Variants in MYO19 observed in about 807,000 individuals in gnomAD.
MYO19 encodes the protein myosin XIX, also known as unconventional myosin-XIX.
A neutral mutation model predicts 129.2 loss-of-function variants in MYO19; 132 were observed. The ratio of observed to expected loss-of-function variants is 1.02; its 90% CI spans 0.89 to 1.18. The LOEUF is 1.18. MYO19 is among the 50% of genes most tolerant of loss of function. The pLI, the probability that MYO19 is intolerant of heterozygous loss-of-function variation, is 0.00. For missense variants in MYO19, 1,210 were observed against 1,216.7 expected, an observed-to-expected ratio of 0.99 and a Z score of 0.08; for synonymous variants, 531 against 477.2, an observed-to-expected ratio of 1.11 and a Z score of -1.47.
chr17:36,534,606 G>A (rs1423311967), intron 1 of MYO19, 155 bp downstream of exon 1: 1 of 152,456 alleles, frequency 6.6e-6, no homozygotes, highest in Non-Finnish European at 1.5e-5. Flanking sequence ...TGAGACACAA[G>A]AGGGTCAAAA....
chr17:36,501,433 C>T (rs909205444), intron 21 of MYO19, 198 bp from the exon 22 acceptor site: 8 of 560,698 alleles, frequency 1.4e-5, no homozygotes, highest in South Asian at 3.0e-5. Flanking sequence ...CTAGCTGTTC[C>T]GTGGAGCCTT....
rs1599242525 is a variant in MYO19, at chr17:36,503,981, T to C, written c.1945A>G (p.Ile649Val). ...GGGAAGCCAGCAGCACTGATATGGA[T>C]GGTCTCCACGAGGCCACAGGCCTCC... The part of the protein sequence containing the change: ...QLEACGLVET[I>V]HISAAGFPIR... Residue 649 changes from isoleucine (I) to valine (V), a missense_variant, in exon 20 of 26, where the codon ATC (isoleucine) becomes GTC (valine). Coordinates refer to ENST00000614623, the MANE Select transcript of MYO19 (RefSeq NM_001163735.2). 1 of 1,591,016 alleles carries C rather than the reference T, an allele frequency of 6.3e-7. No homozygotes were observed.
At chr17:36,510,399 C>T (rs1415479958) in intron 13 of MYO19, among the ~76,000 whole-genome samples, 1 of 152,216 alleles carries the variant, frequency 6.6e-6, no homozygotes, top group Non-Finnish European at 1.5e-5. Flanking sequence ...GCAGGAACTG[C>T]GAAGGCTCTA....
At chr17:36,537,642 G>T (rs772405749), upstream of MYO19, 1 of 1,614,146 alleles carries the variant, frequency 6.2e-7, no homozygotes, top group Non-Finnish European at 8.5e-7. Context: ...GTCTGCAATG[G>T]TTTGTCTAGA....
At chr17:36,543,123 C>T (rs1264528340) in intron 1 of MYO19, 1 of 152,038 alleles carries the variant, frequency 6.6e-6, no homozygotes, top group Non-Finnish European at 1.5e-5. Context: ...AGCTAATACT[C>T]ACTCTTCTAC....
intron 2 of MYO19, among the ~76,000 whole-genome samples, chr17:36,541,052 G>A (rs961373286): frequency 1.3e-5 from 2 of 151,622 alleles, no homozygotes; most frequent in Admixed American, 6.6e-5. Flanking sequence ...GCAGTGGCAC[G>A]ATCTCCTGCC....
At chr17:36,498,899 T>A in intron 24 of MYO19, 176 bp downstream of exon 24, 1 of 603,530 alleles carries the variant, frequency 1.7e-6, no homozygotes, top group Non-Finnish European at 3.0e-6. Context: ...ATAACCACCC[T>A]GCAGGGTAGG....
rs567609081 is a variant in MYO19, at chr17:36,500,756, C to T, written c.2377+74G>A. 1.4e-3 allele frequency: 2,097 copies of T among 1,529,018 alleles called. 5 individuals are homozygous for T. The highest frequency in any genetic ancestry group is 1.7e-3 in the Non-Finnish European group (1,989 of 1,136,980). The allele number at this position is 1,529,018 out of a possible 1,614,324, so 94.7% of individuals were successfully genotyped here. A position where few individuals can be genotyped will look rare whatever the true frequency, so the allele number is the denominator to read the frequency against. ...ACAGCTTCAGGAGATGGGGACTCGA[C>T]GAGCTATGTTTCAAAGGAAACCAAC... is the stretch of plus-strand genomic sequence containing the variant. On this transcript the variant is annotated intron_variant, in intron 23 of 25. Coordinates refer to ENST00000614623, the MANE Select transcript of MYO19 (RefSeq NM_001163735.2).
At chr17:36,506,176 A>T (rs2071870669) in intron 18 of MYO19, among the ~76,000 whole-genome samples, 1 of 152,172 alleles carries the variant, frequency 6.6e-6, no homozygotes, top group Non-Finnish European at 1.5e-5. Context: ...AAGCTCATGT[A>T]GCTGATCCTC....
upstream of MYO19, chr17:36,537,136 G>C (rs768591326): frequency 6.2e-7 from 1 of 1,603,048 alleles, no homozygotes; most frequent in Non-Finnish European, 8.5e-7. Flanking sequence ...GCTTTTGTCA[G>C]TAACCTCAAT....
intron 6 of MYO19, among the ~76,000 whole-genome samples, chr17:36,522,037 A>C (rs1364890133): frequency 2.0e-5 from 3 of 150,798 alleles, no homozygotes; most frequent in Non-Finnish European, 4.4e-5. Flanking sequence ...TTAAAAAAAA[A>C]AAAAAAAAAA....
At chr17:36,524,642 T>C (rs1399498338) in intron 6 of MYO19, among the ~76,000 whole-genome samples, 1 of 152,196 alleles carries the variant, frequency 6.6e-6, no homozygotes, top group Non-Finnish European at 1.5e-5. Flanking sequence ...ATACTGCCCT[T>C]GCCACCATGC....
At chr17:36,513,078 C>A in intron 11 of MYO19, 1 of 1,286,466 alleles carries the variant, frequency 7.8e-7, no homozygotes. Flanking sequence ...ACTAAGTGAG[C>A]AGAGAAGTGT....
Position 36,507,935 on chromosome 17 carries a change from G to A in MYO19, c.1232-11C>T. 6.3e-7 allele frequency: 1 copy of A among 1,589,922 alleles called. No individual in the cohort carries two copies. Among genetic ancestry groups the A allele is most frequent in the Non-Finnish European group, 8.6e-7 (1 of 1,164,812 alleles). ...ACACATCCAGCAGGCCTGGGAAGAT[G>A]GCAGAGAACCCATGGGGCCACTGCA... On this transcript the variant is annotated splice_polypyrimidine_tract_variant and intron_variant, in intron 14 of 25. Coordinates refer to ENST00000614623, the MANE Select transcript of MYO19 (RefSeq NM_001163735.2).
chr17:36,514,498 G>C lies in MYO19; in HGVS notation c.668C>G (p.Thr223Ser). 6.2e-7 allele frequency: 1 copy of C among 1,613,746 alleles called. No homozygotes were observed. The highest frequency in any genetic ancestry group is 8.5e-7 in the Non-Finnish European group (1 of 1,179,662). Residue 223 changes from threonine to serine, a missense_variant, in exon 9 of 26, where the codon ACT (threonine) becomes AGT (serine). Thr to Ser is a moderately conservative substitution (Grantham distance 58, BLOSUM62 1). Coordinates refer to ENST00000614623, the MANE Select transcript of MYO19 (RefSeq NM_001163735.2). The part of the protein sequence containing the change: ...AAVQTYLLEK[T>S]RVACQASSER... ...ACTGGAAGCCTGGCAGGCCACTCGA[G>C]TTTTCTCTAGGAGGTAGGTCTGGAC...
chr17:36,512,903 C>T (rs751448945), intron 11 of MYO19: 17 of 1,015,868 alleles, frequency 1.7e-5, no homozygotes, highest in Middle Eastern at 4.2e-4. Flanking sequence ...CAGAGGACGA[C>T]GGGGCACGGG....
chr17:36,521,178 A>C (rs191602755), intron 6 of MYO19, among the ~76,000 whole-genome samples: 1 of 152,336 alleles, frequency 6.6e-6, no homozygotes, highest in Admixed American at 6.5e-5. Context: ...CAGGGATCCC[A>C]CAAGTTTAAA....
intron 6 of MYO19, among the ~76,000 whole-genome samples, chr17:36,517,639 C>T (rs2072842203): frequency 6.6e-6 from 1 of 151,964 alleles, no homozygotes; most frequent in African/African-American, 2.4e-5. Context: ...TACTTTTTCC[C>T]TTCTTCTGCA....
intron 24 of MYO19, chr17:36,498,839 T>C (rs2071240425): frequency 5.1e-6 from 3 of 592,406 alleles, no homozygotes; most frequent in Non-Finnish European, 9.0e-6. Context: ...AAAGTGTACA[T>C]CCCAGAGTTT....
Sources: gnomAD v4.1 joint callset for allele counts (sites outside exome capture counted in the v4.1 genomes callset) on GRCh38, gnomAD v4.1.1 for gene constraint, MANE v1.5 for transcripts, NCBI Gene and HGNC (gene_info 2026-07-23, HGNC 2026-07-21) for gene names.